The following ATP2B2 variants were observed in gnomAD, a reference collection of about 807,000 sequenced individuals.
ATP2B2 encodes the protein plasma membrane calcium-transporting ATPase 2.
In ATP2B2, 15 loss-of-function variants were observed where a neutral mutation model predicts 120.0. The observed-to-expected ratio is 0.12, with a 90% CI of 0.08 to 0.19. The LOEUF is 0.19. Ranked by LOEUF, ATP2B2 falls within the 10% of genes least tolerant of loss-of-function variation. ATP2B2 has a pLI of 1.00. For missense variants in ATP2B2, 1,045 were observed against 1,719.8 expected, an observed-to-expected ratio of 0.61 and a Z score of 6.94; for synonymous variants, 694 against 700.3, an observed-to-expected ratio of 0.99 and a Z score of 0.14.
At position 10,337,018 on chromosome 3, in the gene ATP2B2, G is replaced by C. The variant is rs115137118; in HGVS notation, c.3420+1158C>G. 4.5e-3 allele frequency among the ~76,000 whole-genome samples: 680 copies of C among 152,240 alleles called. 3 individuals are homozygous for C. Among genetic ancestry groups the C allele is most frequent in the African/African-American group, 0.016 (654 of 41,548 alleles). On this transcript the variant is annotated intron_variant, in intron 22 of 22. Coordinates refer to ENST00000360273, the MANE Select transcript of ATP2B2 (RefSeq NM_001001331.4). ...GGGGCAGGCTGGGAGGGGTGGCTGC[G>C]GGGCCCTAACCAGGGAGGGTGAGCC...
intron 1 of ATP2B2, among the ~76,000 whole-genome samples, chr3:10,464,830 A>G (rs889777425): frequency 6.6e-6 from 1 of 152,232 alleles, no homozygotes; most frequent in Non-Finnish European, 1.5e-5. Flanking sequence ...AGTGATTTCT[A>G]GATGGGGAAA....
At chr3:10,579,655 C>T (rs972457139) in intron 2 of ATP2B2, among the ~76,000 whole-genome samples, 3 of 152,036 alleles carry the variant, frequency 2.0e-5, no homozygotes, top group Non-Finnish European at 2.9e-5. Context: ...CTAAAAAATA[C>T]AAAAATTAGC....
chr3:10,667,148 G>A (rs753029681), intron 1 of ATP2B2, among the ~76,000 whole-genome samples: 1 of 152,178 alleles, frequency 6.6e-6, no homozygotes. Context: ...GACCACCTCC[G>A]AGGTGGTCTC....
At chr3:10,373,645 T>C (rs2061304713) in intron 11 of ATP2B2, among the ~76,000 whole-genome samples, 1 of 152,248 alleles carries the variant, frequency 6.6e-6, no homozygotes, top group African/African-American at 2.4e-5. Flanking sequence ...GGATTTGACA[T>C]ACTGGGTTAA....
At chr3:10,334,650 C>G (rs1407080848) in intron 22 of ATP2B2, among the ~76,000 whole-genome samples, 1 of 152,242 alleles carries the variant, frequency 6.6e-6, no homozygotes, top group Non-Finnish European at 1.5e-5. Flanking sequence ...CGTTTCTGTG[C>G]TGACGAATGA....
At chr3:10,427,807 A>G (rs911733227) in intron 2 of ATP2B2, among the ~76,000 whole-genome samples, 1 of 152,208 alleles carries the variant, frequency 6.6e-6, no homozygotes, top group South Asian at 2.1e-4. Context: ...GCCTCAATCC[A>G]TCCTCTCCTA....
At chr3:10,446,430 G>A (rs2063838497) in intron 2 of ATP2B2, among the ~76,000 whole-genome samples, 1 of 152,296 alleles carries the variant, frequency 6.6e-6, no homozygotes, top group East Asian at 1.9e-4. Context: ...GTGTGTCAGG[G>A]ACTGTTCTAA....
rs946045865 is a variant in ATP2B2 at position 10,343,780 on chromosome 3, G to A, written c.2704-815C>T. Among the ~76,000 whole-genome samples the A allele has an allele frequency of 7.2e-5, 11 of 152,068 alleles. No individual in the cohort carries two copies. The highest frequency in any genetic ancestry group is 2.1e-4 in the South Asian group (1 of 4,802). ...TTCTCGGCCAGATGTCACTGACCTCGCCCCTGCACTCCCACTTGTAATCCT... is the reference window on the plus strand; with the variant it reads ...TTCTCGGCCAGATGTCACTGACCTCACCCCTGCACTCCCACTTGTAATCCT... On this transcript the variant is annotated intron_variant, in intron 18 of 22. Coordinates refer to ENST00000360273, the MANE Select transcript of ATP2B2 (RefSeq NM_001001331.4). The surrounding 1 kb of genome is among the most constrained non-coding windows in gnomAD (Gnocchi z 4.2).
rs752380448 is a variant in ATP2B2, at chr3:10,400,990, C to A, written c.744G>T (p.Val248=). Residue 248 remains valine (V), a synonymous_variant, in exon 5 of 23, where the codon GTG becomes GTT. Transcript: ENST00000360273. ...ESSLTGESDQ[V]RKSVDKDPML... ...TGGGGTCCTTGTCCACGGACTTGCG[C>A]ACCTGGTCAGACTCTCCAGTTAGGG... 1.2e-6 allele frequency: 2 copies of A among 1,614,176 alleles called. No individual in the cohort carries two copies. Among genetic ancestry groups the A allele is most frequent in the Non-Finnish European group, 1.7e-6 (2 of 1,180,022 alleles).
intron 12 of ATP2B2, among the ~76,000 whole-genome samples, chr3:10,370,665 T>C (rs1402718229): frequency 1.3e-5 from 2 of 152,274 alleles, no homozygotes; most frequent in East Asian, 3.9e-4. Context: ...CACGCTCTCT[T>C]CCCCATTTCG....
intron 2 of ATP2B2, among the ~76,000 whole-genome samples, chr3:10,597,128 C>T (rs368721398): frequency 7.3e-5 from 11 of 151,162 alleles, no homozygotes; most frequent in African/African-American, 2.2e-4. Flanking sequence ...CACACATGCA[C>T]AGGCAAACAG....
chr3:10,673,806 CAAA>C (rs549651187), intron 1 of ATP2B2, among the ~76,000 whole-genome samples: 6 of 73,778 alleles, frequency 8.1e-5, no homozygotes, highest in East Asian at 4.5e-4. Flanking sequence ...GACCCTGTTT[CAAA>C]AAAAAAAAAA....
chr3:10,418,883 G>A (rs775140839), intron 2 of ATP2B2, among the ~76,000 whole-genome samples: 20 of 152,206 alleles, frequency 1.3e-4, no homozygotes, highest in Non-Finnish European at 2.8e-4. Flanking sequence ...GAATTCAGTC[G>A]AGGGCAGAAC....
chr3:10,629,558 G>A (rs2069806441), intron 1 of ATP2B2, among the ~76,000 whole-genome samples: 1 of 152,176 alleles, frequency 6.6e-6, no homozygotes, highest in Non-Finnish European at 1.5e-5. Context: ...CACCTGCCCT[G>A]TGGGTAGAGG....
intron 2 of ATP2B2, among the ~76,000 whole-genome samples, chr3:10,614,745 A>T (rs190923261): frequency 2.2e-4 from 34 of 152,258 alleles, no homozygotes; most frequent in Non-Finnish European, 2.9e-4. Context: ...AAGCAGGCCC[A>T]CAGGACTTTA....
At chr3:10,657,831 A>T (rs2070676221) in intron 1 of ATP2B2, among the ~76,000 whole-genome samples, 1 of 152,212 alleles carries the variant, frequency 6.6e-6, no homozygotes, top group African/African-American at 2.4e-5. Flanking sequence ...AAGGAGCCTA[A>T]CTGGGAGGCA....
At position 10,576,048 on chromosome 3, in the gene ATP2B2, C is replaced by T. The variant is rs144357350; in HGVS notation, c.-414-41915G>A. Among the ~76,000 whole-genome samples the T allele has an allele frequency of 1.7e-3, 256 of 152,322 alleles. 2 individuals carry two copies. In the East Asian group the frequency reaches 0.037, roughly 22 times the overall value. On this transcript the variant is annotated intron_variant, in intron 2 of 21. Transcript: ENST00000646379. ...GACCCTGTACCGCAAATGCTGCTAA[C>T]GTGTTCATTTCACACATGGCGAAGC...
chr3:10,478,667 A>G (rs1260492501), intron 1 of ATP2B2, among the ~76,000 whole-genome samples: 1 of 152,130 alleles, frequency 6.6e-6, no homozygotes, highest in Non-Finnish European at 1.5e-5. Flanking sequence ...TTTCTTCTCC[A>G]TCATCAAAGT....
At chr3:10,348,364 C>T (rs530526334) in intron 16 of ATP2B2, among the ~76,000 whole-genome samples, 7 of 152,306 alleles carry the variant, frequency 4.6e-5, no homozygotes, top group African/African-American at 1.4e-4. Flanking sequence ...ACTGCCAGGC[C>T]GTGCTCTGCA....
Sources: allele counts gnomAD v4.1 joint callset (sites outside exome capture counted in the v4.1 genomes callset), GRCh38; gene constraint gnomAD v4.1.1; non-coding constraint Gnocchi (gnomAD v3.1); transcripts MANE v1.5; gene names NCBI Gene and HGNC (gene_info 2026-07-23, HGNC 2026-07-21).